NXPE1: variants seen among roughly 807,000 people sequenced by gnomAD.
The protein encoded by NXPE1 is neurexophilin and PC-esterase domain family member 1, also known as NXPE family member 1.
A neutral mutation model predicts 33.3 loss-of-function variants in NXPE1; 31 were observed. The observed-to-expected ratio is 0.93, with a 90% CI of 0.70 to 1.26. The LOEUF is 1.26. Ranked by LOEUF, NXPE1 falls within the 50% of genes most tolerant of loss-of-function variation. The pLI, the probability that NXPE1 is intolerant of heterozygous loss-of-function variation, is 0.00. For synonymous variants in NXPE1, 229 were observed against 231.4 expected, an observed-to-expected ratio of 0.99 and a Z score of 0.09; for missense variants, 661 against 655.6, an observed-to-expected ratio of 1.01 and a Z score of -0.09.
Position 114,530,467 on chromosome 11 carries a change from G to T in NXPE1, c.541C>A (p.Leu181Met), listed in dbSNP as rs1423413679. 3 of 1,614,236 alleles carry T rather than the reference G, an allele frequency of 1.9e-6. No homozygotes were observed. Among genetic ancestry groups the T allele is most frequent in the Non-Finnish European group, 2.5e-6 (3 of 1,180,034 alleles). Residue 181 changes from leucine to methionine, a missense_variant, in exon 6 of 9, where the codon CTG becomes ATG. Physicochemically the swap from Leu to Met is conservative, Grantham distance 15 (BLOSUM62 2). Transcript: ENST00000534921. ...GCCCCTTCACTGGGGTGGATGAGCA[G>T]CAGAGACAGGGAGACCTGGCCCTCC... is the stretch of plus-strand genomic sequence containing the variant.
At chr11:114,535,030 A>G (rs906809679) in intron 5 of NXPE1, among the ~76,000 whole-genome samples, 1 of 152,206 alleles carries the variant, frequency 6.6e-6, no homozygotes, top group Non-Finnish European at 1.5e-5. Flanking sequence ...GCAGCCAGAG[A>G]GAAAGGTCGG....
At chr11:114,536,026 T>C (rs1281032080) in intron 5 of NXPE1, among the ~76,000 whole-genome samples, 2 of 152,202 alleles carry the variant, frequency 1.3e-5, no homozygotes, top group African/African-American at 2.4e-5. Flanking sequence ...GACCACATAG[T>C]TGGAAGTAAA....
At chr11:114,556,093 GA>G (rs1948641356) in intron 1 of NXPE1, among the ~76,000 whole-genome samples, 1 of 152,180 alleles carries the variant, frequency 6.6e-6, no homozygotes, top group Non-Finnish European at 1.5e-5. Flanking sequence ...AAGCCTACTG[GA>G]ATTTATTGCT....
At chr11:114,527,781 G>T in intron 7 of NXPE1, 59 bp downstream of exon 7, 2 of 1,180,314 alleles carry the variant, frequency 1.7e-6, no homozygotes, top group Non-Finnish European at 2.4e-6. Flanking sequence ...AATTATTTAG[G>T]TTAATGCTGA....
rs763192003 is a variant in NXPE1, at chr11:114,522,870, AC to A, written c.1108+8del. The A allele has an allele frequency of 6.3e-7, 1 of 1,579,388 alleles. No homozygotes were observed. The highest frequency in any genetic ancestry group is 2.2e-5 in the East Asian group (1 of 44,618). ...TGAATTTCTAAGAGAATATAAAGTA[AC>A]TACCTACTTTTTACAACTTTGGGGA... On this transcript the variant is annotated splice_region_variant and intron_variant, in intron 8 of 8. Coordinates refer to ENST00000534921, the Ensembl canonical transcript of NXPE1.
chr11:114,539,063 A>G (rs1715691413), intron 5 of NXPE1, among the ~76,000 whole-genome samples: 1 of 152,262 alleles, frequency 6.6e-6, no homozygotes, highest in African/African-American at 2.4e-5. Context: ...GACTGGATTA[A>G]GAAAATGTGG....
At chr11:114,522,108 T>C in exon 9 of NXPE1, 1 of 1,614,116 alleles carries the variant, frequency 6.2e-7, no homozygotes, top group Non-Finnish European at 8.5e-7. Flanking sequence ...ATATCCTTCA[T>C]GATAAGATAG....
intron 5 of NXPE1, among the ~76,000 whole-genome samples, chr11:114,537,190 T>C (rs1947863864): frequency 6.6e-6 from 1 of 152,170 alleles, no homozygotes; most frequent in Non-Finnish European, 1.5e-5. Flanking sequence ...CAGATGATTA[T>C]CTCAATAGAT....
At position 114,552,021 on chromosome 11, in the gene NXPE1, G is replaced by A. The variant is rs532920034; in HGVS notation, c.-117C>T. The A allele has an allele frequency of 1.1e-4, 17 of 152,306 alleles. No homozygotes were observed. The East Asian group carries it at 3.3e-3, about 29-fold the overall frequency. 9.4% of individuals were successfully genotyped at this position (152,306 alleles called of 1,614,324 possible). A position where few individuals can be genotyped will look rare whatever the true frequency, so the allele number is the denominator to read the frequency against. On this transcript the variant is annotated 5_prime_UTR_variant, in exon 3 of 9. Coordinates refer to ENST00000534921, the Ensembl canonical transcript of NXPE1. ...TTGTGTGAAAGGTTTTGTGTGAGTG[G>A]TTTCGTTTTGTGGAATCCAAAAAGT...
chr11:114,535,254 C>T (rs985839375), intron 5 of NXPE1, among the ~76,000 whole-genome samples: 2 of 152,176 alleles, frequency 1.3e-5, no homozygotes, highest in Admixed American at 6.5e-5. Context: ...CACCACCAGG[C>T]CTGCCCTAAA....
At chr11:114,535,662 A>G (rs1947790423) in intron 5 of NXPE1, among the ~76,000 whole-genome samples, 1 of 152,220 alleles carries the variant, frequency 6.6e-6, no homozygotes, top group Non-Finnish European at 1.5e-5. Context: ...ACTTAAACCA[A>G]CAAAGATCAA....
chr11:114,527,665 C>T (rs1257498514), intron 7 of NXPE1, among the ~76,000 whole-genome samples, 175 bp downstream of exon 7: 1 of 152,148 alleles, frequency 6.6e-6, no homozygotes, highest in Non-Finnish European at 1.5e-5. Flanking sequence ...GATGTAATCT[C>T]CTATAAACAT....
intron 6 of NXPE1, chr11:114,529,028 A>G (rs1947471588): frequency 4.9e-6 from 2 of 408,958 alleles, no homozygotes; most frequent in Middle Eastern, 6.4e-4. Context: ...TAATGAGGTA[A>G]GATTCTGGAA....
chr11:114,540,862 TTTTTTTTTTTTTTTTTTTTTTTTG>T (rs1948072261), intron 5 of NXPE1, among the ~76,000 whole-genome samples: 2 of 68,544 alleles, frequency 2.9e-5, no homozygotes, highest in African/African-American at 2.6e-4. Flanking sequence ...TTTTTTTTTT[TTTTTTTTTTTTTTTTTTTTTTTTG>T]GCTTGAACAA....
chr11:114,534,497 A>T (rs1476759682), intron 5 of NXPE1, among the ~76,000 whole-genome samples: 1 of 152,212 alleles, frequency 6.6e-6, no homozygotes, highest in Non-Finnish European at 1.5e-5. Flanking sequence ...GAGCTAAAGG[A>T]GGAAGTTCGA....
intron 5 of NXPE1, 53 bp downstream of exon 5, chr11:114,551,050 C>A: frequency 1.0e-6 from 1 of 991,076 alleles, no homozygotes; most frequent in Non-Finnish European, 1.5e-6. Flanking sequence ...TGAGGCACGT[C>A]ACACAGGTGA....
chr11:114,555,889 A>G (rs551860715), intron 1 of NXPE1, among the ~76,000 whole-genome samples: 4 of 152,362 alleles, frequency 2.6e-5, no homozygotes, highest in African/African-American at 9.6e-5. Context: ...GCAATATCTC[A>G]TAATATCTAT....
chr11:114,541,034 G>A (rs568368259), intron 5 of NXPE1, among the ~76,000 whole-genome samples: 2 of 151,780 alleles, frequency 1.3e-5, no homozygotes, highest in South Asian at 4.2e-4. Flanking sequence ...CACACCTGTG[G>A]GGTAGACCCA....
chr11:114,532,078 C>T (rs1947605867), intron 5 of NXPE1, among the ~76,000 whole-genome samples: 1 of 152,196 alleles, frequency 6.6e-6, no homozygotes, highest in South Asian at 2.1e-4. Flanking sequence ...CATCCCCTCT[C>T]ACACTTTAGA....
Sources: allele counts gnomAD v4.1 joint callset (sites outside exome capture counted in the v4.1 genomes callset), GRCh38; gene constraint gnomAD v4.1.1; transcripts MANE v1.5; gene names NCBI Gene and HGNC (gene_info 2026-07-23, HGNC 2026-07-21).